CENPF: variants seen among roughly 807,000 people sequenced by gnomAD.
The protein encoded by CENPF is centromere protein F.
Under a neutral mutation model 307.3 loss-of-function variants are expected in CENPF, and 214 were observed. The observed-to-expected ratio is 0.70, with a 90% CI of 0.62 to 0.78. The LOEUF is 0.78. CENPF is among the 30% of genes least tolerant of loss of function. CENPF has a pLI of 0.00. For synonymous variants in CENPF, 1,259 were observed against 1,270.6 expected, an observed-to-expected ratio of 0.99 and a Z score of 0.19; for missense variants, 3,401 against 3,483.9, an observed-to-expected ratio of 0.98 and a Z score of 0.60.
intron 16 of CENPF, chr1:214,654,406 C>G (rs1264632365): frequency 2.0e-5 from 3 of 150,378 alleles, no homozygotes; most frequent in African/African-American, 7.4e-5. Context: ...GACCTCATCT[C>G]TTAAAAAAAA....
At position 214,632,546 on chromosome 1, in the gene CENPF, G is replaced by T; in HGVS notation, c.1390G>T (p.Glu464Ter). 1 of 1,614,140 alleles carries T rather than the reference G, an allele frequency of 6.2e-7. No homozygotes were observed. The highest frequency in any genetic ancestry group is 2.2e-5 in the East Asian group (1 of 44,874). ...GTTTAAGCAAAAGTTGTGCAGAGCT[G>T]AACAGGCGTTCCAGGCGAGTCAGAT... is the stretch of plus-strand genomic sequence containing the variant. ...EEFKQKLCRA[E>*]QAFQASQIKE... The change falls in exon 10 of 20, where the codon GAA becomes TAA. Residue 464 changes from glutamate to a stop codon, truncating the protein, a stop_gained. Coordinates refer to ENST00000366955, the MANE Select transcript of CENPF (RefSeq NM_016343.4). LOFTEE classifies it high-confidence loss of function.
intron 1 of CENPF, among the ~76,000 whole-genome samples, chr1:214,603,945 G>A (rs546026434): frequency 1.2e-4 from 18 of 152,056 alleles, no homozygotes; most frequent in Non-Finnish European, 2.2e-4. Context: ...TTACAAGCAT[G>A]AGCCACTACG....
At chr1:214,618,433 G>T in intron 3 of CENPF, 140 bp from the exon 4 acceptor site, 2 of 1,044,070 alleles carry the variant, frequency 1.9e-6, no homozygotes, top group South Asian at 1.6e-5. Flanking sequence ...TGAAATGCCT[G>T]TTGGATAAAT....
chr1:214,655,505 A>C, intron 17 of CENPF, 102 bp downstream of exon 17: 1 of 961,246 alleles, frequency 1.0e-6, no homozygotes, highest in Non-Finnish European at 1.4e-6. Flanking sequence ...GCTGTGTTCT[A>C]TTACTGAGTG....
chr1:214,622,852 G>A lies in CENPF; in HGVS notation c.1068+571G>A, dbSNP rs57308131. Among the ~76,000 whole-genome samples the A allele has an allele frequency of 6.4e-3, 919 of 142,560 alleles. 6 individuals carry two copies. Among genetic ancestry groups the A allele is most frequent in the East Asian group, 0.02 (98 of 5,000 alleles). 93.5% of individuals were successfully genotyped at this position (142,560 alleles called of 152,430 possible). ...GGAAAAAAGATCGTATATATAGTTG[G>A]TCCATTGTACCCATGAGTTCTGCAT... On this transcript the variant is annotated intron_variant, in intron 7 of 19. Transcript: ENST00000366955.
At chr1:214,655,124 A>G (rs879085019) in intron 16 of CENPF, 117 bp from the exon 17 acceptor site, 34 of 631,764 alleles carry the variant, frequency 5.4e-5, no homozygotes, top group Middle Eastern at 9.2e-4. Flanking sequence ...GATGTTTTGT[A>G]TTGAATCTAA....
chr1:214,609,142 C>T (rs1280949359), intron 1 of CENPF, among the ~76,000 whole-genome samples: 2 of 151,906 alleles, frequency 1.3e-5, no homozygotes, highest in Admixed American at 6.6e-5. Context: ...CCTGCCCGTG[C>T]GTCCGTCGGT....
At chr1:214,605,659 C>A in intron 1 of CENPF, 1 of 1,562,482 alleles carries the variant, frequency 6.4e-7, no homozygotes, top group Non-Finnish European at 8.6e-7. Flanking sequence ...TGAGGTCTGG[C>A]CGGTTGGTGC....
chr1:214,623,413 G>A (rs1443655761), intron 7 of CENPF, among the ~76,000 whole-genome samples: 4 of 152,156 alleles, frequency 2.6e-5, no homozygotes, highest in African/African-American at 9.7e-5. Context: ...TCAGGGACTT[G>A]ATCATCCTCA....
intron 10 of CENPF, among the ~76,000 whole-genome samples, chr1:214,636,840 G>A (rs949261190): frequency 4.6e-5 from 7 of 152,110 alleles, no homozygotes; most frequent in Non-Finnish European, 1.5e-5. Flanking sequence ...ATTTTTCCCC[G>A]CTTGAGGATG....
At chr1:214,608,679 C>A in intron 1 of CENPF, 1 of 1,597,816 alleles carries the variant, frequency 6.3e-7, no homozygotes, top group Non-Finnish European at 8.5e-7. Flanking sequence ...CCCGCAGGGT[C>A]CCCAAGGGGG....
chr1:214,657,716 C>G (rs1438048162), intron 18 of CENPF, among the ~76,000 whole-genome samples: 2 of 152,186 alleles, frequency 1.3e-5, no homozygotes, highest in Admixed American at 6.5e-5. Context: ...GTTTCCTACC[C>G]GTTGGTCATG....
At position 214,646,788 on chromosome 1, in the gene CENPF, G is replaced by GC. The variant is rs1452566733; in HGVS notation, c.7219dup (p.Arg2407ProfsTer4). The stretch of plus-strand genomic sequence containing the variant: ...CAAATGAATTACAAAAAGAGCAAGA[G>GC]CGAATATCTGAATTAGAAATAATAA... On this transcript the variant is annotated frameshift_variant, in exon 13 of 20. Coordinates refer to ENST00000366955, the MANE Select transcript of CENPF (RefSeq NM_016343.4). LOFTEE classifies it high-confidence loss of function. 11 of 1,611,326 alleles carry GC rather than the reference G, an allele frequency of 6.8e-6. No individual in the cohort carries two copies. The highest frequency in any genetic ancestry group is 9.3e-6 in the Non-Finnish European group (11 of 1,178,936).
rs779017722 is a variant in CENPF at position 214,645,534 on chromosome 1, A to G, written c.5964A>G (p.Thr1988=). The G allele has an allele frequency of 1.3e-5, 21 of 1,614,162 alleles. No individual in the cohort carries two copies. Among genetic ancestry groups the G allele is most frequent in the Non-Finnish European group, 1.7e-5 (20 of 1,180,030 alleles). ...DQLSEKMKEK[T]QELESHQSEC... ...TGTCTGAAAAAATGAAGGAGAAAAC[A>G]CAAGAGCTTGAGTCTCATCAAAGTG... The change falls in exon 13 of 20, where the codon ACA becomes ACG. Residue 1988 remains threonine, a synonymous_variant. Transcript: ENST00000366955.
intron 1 of CENPF, among the ~76,000 whole-genome samples, chr1:214,607,151 T>G (rs1019568276): frequency 3.9e-5 from 6 of 152,186 alleles, no homozygotes; most frequent in African/African-American, 1.4e-4. Context: ...TGGTCAGTAG[T>G]GTGCTGAGCC....
intron 19 of CENPF, among the ~76,000 whole-genome samples, chr1:214,662,226 T>C (rs568765407): frequency 1.3e-5 from 2 of 152,100 alleles, no homozygotes; most frequent in African/African-American, 4.8e-5. Context: ...CAGGGAAACC[T>C]TGTCTTTGGA....
chr1:214,619,907 C>T (rs1310776796), intron 5 of CENPF, among the ~76,000 whole-genome samples: 1 of 152,134 alleles, frequency 6.6e-6, no homozygotes, highest in Non-Finnish European at 1.5e-5. Flanking sequence ...TACTCATTCT[C>T]TAGTTTGTCC....
At chr1:214,608,712 CG>C in intron 1 of CENPF, 1 of 1,594,864 alleles carries the variant, frequency 6.3e-7, no homozygotes, top group Non-Finnish European at 8.5e-7. Flanking sequence ...CACCAGGCCC[CG>C]GCTCGGGCTC....
At chr1:214,607,584 GGTCCCTGCGGGAGC>G (rs1657070422) in intron 1 of CENPF, among the ~76,000 whole-genome samples, 1 of 152,322 alleles carries the variant, frequency 6.6e-6, no homozygotes, top group African/African-American at 2.4e-5. Context: ...AGCTATGCCT[GGTCCCTGCGGGAGC>G]AGGTCAGACC....
Sources: gnomAD v4.1 joint callset for allele counts (sites outside exome capture counted in the v4.1 genomes callset) on GRCh38, gnomAD v4.1.1 for gene constraint, MANE v1.5 for transcripts, NCBI Gene and HGNC (gene_info 2026-07-23, HGNC 2026-07-21) for gene names.